UBXN4: variants seen among roughly 807,000 people sequenced by gnomAD.
UBXN4 encodes UBX domain protein 4, also known as UBX domain-containing protein 4.
In UBXN4, 35 loss-of-function variants were observed where a neutral mutation model predicts 66.2. The observed-to-expected ratio is 0.53, with a 90% confidence interval of 0.40 to 0.70. The LOEUF (loss-of-function observed/expected upper bound fraction) is 0.70. Ranked by LOEUF, UBXN4 falls within the 30% of genes least tolerant of loss-of-function variation. The pLI, the probability that UBXN4 is intolerant of heterozygous loss-of-function variation, is 0.00. For synonymous variants in UBXN4, 203 were observed against 204.5 expected, an observed-to-expected ratio of 0.99 and a Z score of 0.06; for missense variants, 533 against 599.8, an observed-to-expected ratio of 0.89 and a Z score of 1.16.
At chr2:135,781,624 G>A (rs2077449355) in intron 12 of UBXN4, among the ~76,000 whole-genome samples, 1 of 152,156 alleles carries the variant, frequency 6.6e-6, no homozygotes, top group South Asian at 2.1e-4. Flanking sequence ...ATAACTGTTA[G>A]GCAGGAAGAC....
intron 9 of UBXN4, among the ~76,000 whole-genome samples, chr2:135,772,969 G>A (rs1006078148): frequency 2.0e-5 from 3 of 148,792 alleles, no homozygotes; most frequent in Non-Finnish European, 3.0e-5. Flanking sequence ...CCCGGGAGGC[G>A]GAGCTTGCAG....
At chr2:135,772,363 T>C (rs2077388225) in intron 8 of UBXN4, 57 bp from the exon 9 acceptor site, 1 of 1,580,956 alleles carries the variant, frequency 6.3e-7, no homozygotes, top group African/African-American at 1.4e-5. Flanking sequence ...TGTTTGGAAT[T>C]GTGTGAATTA....
At chr2:135,752,619 T>C (rs924804199) in intron 2 of UBXN4, among the ~76,000 whole-genome samples, 8 of 152,230 alleles carry the variant, frequency 5.3e-5, no homozygotes, top group South Asian at 4.1e-4. Context: ...GGTTAAGATA[T>C]TGTATTCAGG....
chr2:135,752,751 C>T (rs2077252013), intron 2 of UBXN4, among the ~76,000 whole-genome samples: 1 of 152,134 alleles, frequency 6.6e-6, no homozygotes, highest in African/African-American at 2.4e-5. Flanking sequence ...GATGAAGTCT[C>T]ACTCTGTTGC....
intron 6 of UBXN4, among the ~76,000 whole-genome samples, chr2:135,764,106 A>G (rs889564654): frequency 2.0e-5 from 3 of 151,358 alleles, no homozygotes; most frequent in African/African-American, 7.3e-5. Context: ...CCTGGGTGAC[A>G]GAGTGCTACT....
At chr2:135,770,483 C>A in intron 7 of UBXN4, 88 bp from the exon 8 acceptor site, 1 of 883,554 alleles carries the variant, frequency 1.1e-6, no homozygotes. Flanking sequence ...AAGTTTTATT[C>A]TTTTAACTGC....
chr2:135,761,900 C>G lies in UBXN4; in HGVS notation c.591C>G (p.Ile197Met). Residue 197 changes from isoleucine to methionine, a missense_variant, in exon 6 of 13, where the codon ATC (isoleucine) becomes ATG (methionine). Around this residue, in one of 2 missense-constraint regions of UBXN4, gnomAD observed 529 missense variants for 580.1 expected, o/e 0.91. Transcript: ENST00000272638. ...AGAGACCTGCAGAGGACCTCAACAT[C>G]CGAGTGGAAAGGTTTGCTCTTCTTT... is the stretch of plus-strand genomic sequence containing the variant. Reference protein sequence around the residue: ...SDQRPAEDLNIRVERLTKKLE... With the variant: ...SDQRPAEDLNMRVERLTKKLE... The G allele has an allele frequency of 6.2e-7, 1 of 1,611,962 alleles. No homozygotes were observed. The highest frequency in any genetic ancestry group is 8.5e-7 in the Non-Finnish European group (1 of 1,179,450).
rs76121064 is a variant in UBXN4, at chr2:135,744,362, A to G, written c.82+2351A>G. 2.2e-4 allele frequency among the ~76,000 whole-genome samples: 33 copies of G among 151,652 alleles called. 1 individual carries two copies. The East Asian group carries it at 6.4e-3, about 29-fold the overall frequency. On this transcript the variant is annotated intron_variant, in intron 1 of 12. Transcript: ENST00000272638. ...TAAAGAATATTGTAGAGTTGATGTT[A>G]GGAGACGAGAGATTACTACTACTTC... is the stretch of plus-strand genomic sequence containing the variant.
chr2:135,772,177 C>G (rs2077387340), intron 8 of UBXN4, among the ~76,000 whole-genome samples: 1 of 151,796 alleles, frequency 6.6e-6, no homozygotes, highest in South Asian at 2.1e-4. Context: ...AAAAAATTAG[C>G]TGGGCATGGT....
At chr2:135,756,882 G>A (rs553592785) in intron 5 of UBXN4, among the ~76,000 whole-genome samples, 2 of 152,246 alleles carry the variant, frequency 1.3e-5, no homozygotes, top group African/African-American at 4.8e-5. Flanking sequence ...ATTGTCCACC[G>A]TCTTCTGGTC....
chr2:135,775,194 G>A (rs932287847), intron 9 of UBXN4, among the ~76,000 whole-genome samples: 3 of 152,216 alleles, frequency 2.0e-5, no homozygotes, highest in Admixed American at 1.3e-4. Context: ...TGTGTTACTG[G>A]TGGGATTGTA....
intron 9 of UBXN4, 88 bp from the exon 10 acceptor site, chr2:135,776,161 A>C: frequency 1.8e-6 from 2 of 1,100,266 alleles, no homozygotes; most frequent in Non-Finnish European, 2.6e-6. Flanking sequence ...GTCATTGCAC[A>C]TTTCCACTTC....
In UBXN4 at chr2:135,778,187, AAC is replaced by A. The variant is rs370221396; in HGVS notation, c.1054-759_1054-758del. The stretch of plus-strand genomic sequence containing the variant: ...GCAAGACTGTCTCAAAAAAAAAAAA[AAC>A]AAAAAAAAACCCAAAAAACAAAAAT... On this transcript the variant is annotated intron_variant, in intron 10 of 12. Transcript: ENST00000272638. 6.2e-4 allele frequency among the ~76,000 whole-genome samples: 92 copies of A among 148,826 alleles called. 2 individuals are homozygous for A. The highest frequency in any genetic ancestry group is 8.3e-4 in the African/African-American group (34 of 41,072).
rs1193478644 is a variant in UBXN4 at position 135,748,412 on chromosome 2, A to G, written c.185+43A>G. On this transcript the variant is annotated intron_variant, in intron 2 of 12. Coordinates refer to ENST00000272638, the MANE Select transcript of UBXN4 (RefSeq NM_014607.4). ...TATTTTATTAATTTTAAAATTTATAAGTATTGTCTTTGATTTATAGTGATA... is the reference window on the plus strand; with the variant it reads ...TATTTTATTAATTTTAAAATTTATAGGTATTGTCTTTGATTTATAGTGATA... 8 of 1,397,568 alleles carry G rather than the reference A, an allele frequency of 5.7e-6. No individual in the cohort carries two copies. The East Asian group carries it at 1.3e-4, about 23-fold the overall frequency. 86.6% of individuals were successfully genotyped at this position (1,397,568 alleles called of 1,614,324 possible).
intron 2 of UBXN4, among the ~76,000 whole-genome samples, chr2:135,751,310 C>T (rs1252833549): frequency 6.6e-6 from 1 of 151,836 alleles, no homozygotes; most frequent in African/African-American, 2.4e-5. Context: ...CCTCAGCCTC[C>T]CAAGTAGCTG....
At chr2:135,759,788 T>TTG (rs2077304264) in intron 5 of UBXN4, among the ~76,000 whole-genome samples, 1 of 139,624 alleles carries the variant, frequency 7.2e-6, no homozygotes, top group Non-Finnish European at 1.5e-5. Context: ...TTTTTTTTTT[T>TTG]GAGACAGTCT....
intron 7 of UBXN4, among the ~76,000 whole-genome samples, chr2:135,770,174 G>T (rs552443403): frequency 3.0e-4 from 46 of 152,202 alleles, no homozygotes; most frequent in Non-Finnish European, 5.7e-4. Context: ...TTCCTCTCCT[G>T]TTAAGCATTC....
chr2:135,759,455 C>G (rs980110997), intron 5 of UBXN4, among the ~76,000 whole-genome samples: 2 of 152,096 alleles, frequency 1.3e-5, no homozygotes, highest in Non-Finnish European at 1.5e-5. Context: ...TTTCTGCTCT[C>G]CCTGGTAGTT....
intron 9 of UBXN4, among the ~76,000 whole-genome samples, chr2:135,772,809 C>T (rs148453066): frequency 0.22 from 32,835 of 151,606 alleles, 4,054 homozygotes; most frequent in Middle Eastern, 0.57. Context: ...GAGGCCGAGA[C>T]GGGCGGATCA....
Sources: allele counts gnomAD v4.1 joint callset (sites outside exome capture counted in the v4.1 genomes callset), GRCh38; gene constraint gnomAD v4.1.1; regional missense constraint gnomAD v4.1.1; transcripts MANE v1.5; gene names NCBI Gene and HGNC (gene_info 2026-07-23, HGNC 2026-07-21).